Variants in ODAD1 observed in about 807,000 individuals in gnomAD.
ODAD1 encodes outer dynein arm-docking complex subunit 1.
In ODAD1, 49 loss-of-function variants were observed where a neutral mutation model predicts 67.2. The ratio of observed to expected loss-of-function variants is 0.73; its 90% CI spans 0.58 to 0.92. The LOEUF (loss-of-function observed/expected upper bound fraction) is 0.92. Among genes scored for constraint, ODAD1 ranks in the 40% least tolerant of loss-of-function variants. The probability of loss-of-function intolerance (pLI) is 0.00; values close to 1 mark genes in which losing one functional copy is unlikely to be tolerated. For synonymous variants in ODAD1, 345 were observed against 393.7 expected, an observed-to-expected ratio of 0.88 and a Z score of 1.46; for missense variants, 897 against 953.7, an observed-to-expected ratio of 0.94 and a Z score of 0.78.
chr19:48,299,520 G>C (rs1306319686), intron 12 of ODAD1, among the ~76,000 whole-genome samples: 1 of 151,888 alleles, frequency 6.6e-6, no homozygotes, highest in East Asian at 2.0e-4. Flanking sequence ...TAAGAAAGAT[G>C]AGGCCCGGCG....
intron 8 of ODAD1, among the ~76,000 whole-genome samples, chr19:48,305,620 G>A (rs1183233337): frequency 6.6e-6 from 1 of 151,890 alleles, no homozygotes; most frequent in African/African-American, 2.4e-5. Context: ...TGGCCAGGCT[G>A]GTCTCGAACT....
intron 3 of ODAD1, 167 bp downstream of exon 3, chr19:48,320,132 G>A: frequency 1.0e-6 from 1 of 959,692 alleles, no homozygotes; most frequent in African/African-American, 1.7e-5. Context: ...CCCAGGCTTG[G>A]CCCACCCACC....
In ODAD1 at chr19:48,297,126, G is replaced by A. The variant is rs150335194; in HGVS notation, c.1974C>T (p.Gly658=). The change falls in exon 16 of 16, where the codon GGC becomes GGT. Residue 658 remains glycine (G), a synonymous_variant. Coordinates refer to ENST00000674294, the MANE Select transcript of ODAD1 (RefSeq NM_001364171.2). ...GSTGYVGSSR[G]GENTEGGVES... Reference sequence around the variant, plus strand: ...CCACACCACCCTCTGTGTTTTCTCCGCCCCTGCTGGACCCCACGTATCCAG... The same window carrying A: ...CCACACCACCCTCTGTGTTTTCTCCACCCCTGCTGGACCCCACGTATCCAG... 201 of 1,614,006 alleles carry A rather than the reference G, an allele frequency of 1.2e-4. No individual in the cohort carries two copies. The African/African-American group carries it at 2.3e-3, about 19-fold the overall frequency.
chr19:48,311,759 T>C, intron 6 of ODAD1, 93 bp from the exon 7 acceptor site: 3 of 881,432 alleles, frequency 3.4e-6, no homozygotes, highest in South Asian at 2.9e-5. Flanking sequence ...TTATCAGAGG[T>C]TGGGCCGGCC....
intron 1 of ODAD1, among the ~76,000 whole-genome samples, 200 bp from the exon 2 acceptor site, chr19:48,321,011 C>A (rs1251856585): frequency 6.6e-6 from 1 of 152,076 alleles, no homozygotes; most frequent in Non-Finnish European, 1.5e-5. Context: ...CCGAGGCGGG[C>A]GCATCACTTG....
chr19:48,310,857 G>C (rs1210772248), intron 7 of ODAD1, among the ~76,000 whole-genome samples: 4 of 151,140 alleles, frequency 2.6e-5, no homozygotes, highest in African/African-American at 9.7e-5. Flanking sequence ...CAGGCGAATT[G>C]CCTGAGCTCA....
intron 14 of ODAD1, 145 bp downstream of exon 14, chr19:48,297,855 G>A (rs979700241): frequency 2.1e-5 from 18 of 842,504 alleles, no homozygotes; most frequent in Non-Finnish European, 2.3e-5. Context: ...TGGCTGCCTC[G>A]AAGCACATAC....
At chr19:48,305,509 ATCC>A (rs1968584091) in intron 8 of ODAD1, among the ~76,000 whole-genome samples, 2 of 151,628 alleles carry the variant, frequency 1.3e-5, no homozygotes, top group South Asian at 4.2e-4. Flanking sequence ...GGCTCAAGCA[ATCC>A]TCCCACCTCA....
At chr19:48,299,422 T>C (rs1476501618) in intron 12 of ODAD1, among the ~76,000 whole-genome samples, 1 of 151,560 alleles carries the variant, frequency 6.6e-6, no homozygotes, top group Non-Finnish European at 1.5e-5. Flanking sequence ...AAAAAACAAA[T>C]AAAAGCTAAC....
chr19:48,310,700 C>G (rs1174917130), intron 7 of ODAD1, among the ~76,000 whole-genome samples: 1 of 152,186 alleles, frequency 6.6e-6, no homozygotes, highest in Non-Finnish European at 1.5e-5. Context: ...ATAAATGTGG[C>G]AAATTATCAA....
In ODAD1 at chr19:48,306,639, T is replaced by A. The variant is rs374805954; in HGVS notation, c.598-316A>T. On this transcript the variant is annotated intron_variant, in intron 7 of 15. Coordinates refer to ENST00000674294, the MANE Select transcript of ODAD1 (RefSeq NM_001364171.2). Reference sequence around the variant, plus strand: ...TTCCCTAGGAGACCTTTTGGAATAGTTTGATTTGAGAACCTTGTTAATGTT... The same window carrying A: ...TTCCCTAGGAGACCTTTTGGAATAGATTGATTTGAGAACCTTGTTAATGTT... Among the ~76,000 whole-genome samples the A allele has an allele frequency of 3.9e-5, 6 of 152,312 alleles. 1 individual carries two copies. The highest frequency in any genetic ancestry group is 1.4e-4 in the African/African-American group (6 of 41,582).
intron 5 of ODAD1, among the ~76,000 whole-genome samples, chr19:48,313,725 A>G (rs1968830127): frequency 6.6e-6 from 1 of 152,022 alleles, no homozygotes. Flanking sequence ...TCTACAAGAT[A>G]CAAAATAAAT....
rs893815533 is a variant in ODAD1 at position 48,321,847 on chromosome 19, G to A, written c.-233C>T. The A allele has an allele frequency of 7.5e-6, 3 of 398,496 alleles. No individual in the cohort carries two copies. The highest frequency in any genetic ancestry group is 4.4e-5 in the Admixed American group (1 of 22,718). 24.7% of individuals were successfully genotyped at this position (398,496 alleles called of 1,614,324 possible). On this transcript the variant is annotated 5_prime_UTR_variant, in exon 1 of 16. Transcript: ENST00000674294. ...GGAAGGAAGGCGGTGTCGAAGCCGG[G>A]AGTTGCGCGGAGAAGGAGCGCTCAA...
Position 48,297,427 on chromosome 19 carries a change from G to C in ODAD1, c.1673C>G (p.Ala558Gly), listed in dbSNP as rs1206811360. ...ACTGGAGCCGGCCCTCTGGGTGCTGGCCAGGTCCACGCTCAGGGTGCCGTC... is the reference window on the plus strand; with the variant it reads ...ACTGGAGCCGGCCCTCTGGGTGCTGCCCAGGTCCACGCTCAGGGTGCCGTC... The part of the protein sequence containing the change: ...KLDGTLSVDL[A>G]STQRAGSSTV... Residue 558 changes from alanine to glycine, a missense_variant, in exon 16 of 16, where the codon GCC becomes GGC. Coordinates refer to ENST00000674294, the MANE Select transcript of ODAD1 (RefSeq NM_001364171.2). 3 of 1,604,340 alleles carry C rather than the reference G, an allele frequency of 1.9e-6. No homozygotes were observed. The highest frequency in any genetic ancestry group is 2.5e-6 in the Non-Finnish European group (3 of 1,179,446).
At chr19:48,303,124 G>A in intron 10 of ODAD1, 29 bp from the exon 11 acceptor site, 2 of 1,502,556 alleles carry the variant, frequency 1.3e-6, no homozygotes, top group African/African-American at 1.4e-5. Context: ...GCGGGGCCCA[G>A]AGAGAGGGAG....
Position 48,314,875 on chromosome 19 carries a change from G to C in ODAD1, c.361-2759C>G, listed in dbSNP as rs115127062. ...AGAATCACTTGAGCCTGGCCTGGGA[G>C]GTGGAGGCTGCAATGAGCCGAGATT... On this transcript the variant is annotated intron_variant, in intron 5 of 15. Transcript: ENST00000674294. Among the ~76,000 whole-genome samples the C allele has an allele frequency of 8.8e-3, 1,335 of 152,070 alleles. 19 individuals carry two copies. The highest frequency in any genetic ancestry group is 0.031 in the African/African-American group (1,278 of 41,514).
intron 7 of ODAD1, among the ~76,000 whole-genome samples, chr19:48,308,400 T>C (rs1160693801): frequency 2.0e-5 from 3 of 152,146 alleles, no homozygotes; most frequent in Non-Finnish European, 4.4e-5. Context: ...GGTCTCGAAC[T>C]CCTGACCTCA....
In ODAD1 at chr19:48,298,278, C is replaced by T; in HGVS notation, c.1303G>A (p.Val435Ile). 6.2e-7 allele frequency: 1 copy of T among 1,614,188 alleles called. No individual in the cohort carries two copies. Among genetic ancestry groups the T allele is most frequent in the Non-Finnish European group, 8.5e-7 (1 of 1,180,040 alleles). ...TCCCGGTCTCCCATGCTGGTCTTGA[C>T]CCCAAGGAGGTCATCGATCATGCTG... ...DSSMIDDLLG[V>I]KTSMGDRDMG... The change falls in exon 13 of 16, where the codon GTC becomes ATC. Residue 435 changes from valine to isoleucine, a missense_variant. By Grantham distance (29) the Val-to-Ile change is conservative. Coordinates refer to ENST00000674294, the MANE Select transcript of ODAD1 (RefSeq NM_001364171.2).
At chr19:48,315,530 C>A (rs991650910) in intron 5 of ODAD1, among the ~76,000 whole-genome samples, 5 of 152,036 alleles carry the variant, frequency 3.3e-5, no homozygotes, top group African/African-American at 1.2e-4. Context: ...GGTGACAGAG[C>A]GAGACTCCAT....
Sources: gnomAD v4.1 joint callset for allele counts (sites outside exome capture counted in the v4.1 genomes callset) on GRCh38, gnomAD v4.1.1 for gene constraint, MANE v1.5 for transcripts, NCBI Gene and HGNC (gene_info 2026-07-23, HGNC 2026-07-21) for gene names.